The following HACL1 variants were observed in gnomAD, a reference collection of about 807,000 sequenced individuals.
HACL1 encodes the protein 1600020H07Rik.
HACL1 carries 64 observed loss-of-function variants against 74.2 expected under a neutral mutation model. The observed-to-expected ratio is 0.86, with a 90% confidence interval of 0.70 to 1.06. HACL1 has a LOEUF of 1.06. Ranked by LOEUF, HACL1 falls within the 50% of genes least tolerant of loss-of-function variation. The pLI is 0.00. For synonymous variants in HACL1, 230 were observed against 238.8 expected (o/e 0.96, Z 0.34); for missense variants, 728 against 719.7 (o/e 1.01, Z -0.13).
chr3:15,568,639 AC>A, intron 12 of HACL1, 53 bp from the exon 13 acceptor site: 2 of 995,672 alleles, frequency 2.0e-6, no homozygotes, highest in Non-Finnish European at 3.1e-6. Context: ...AATGAAAATA[AC>A]CAATGTTAAT....
intron 9 of HACL1, among the ~76,000 whole-genome samples, chr3:15,575,682 C>T (rs1471127071): frequency 6.6e-6 from 1 of 152,142 alleles, no homozygotes; most frequent in Non-Finnish European, 1.5e-5. Context: ...GTTGGGACTA[C>T]AGGCACGTGC....
chr3:15,600,468 G>C (rs1365221698), intron 2 of HACL1, among the ~76,000 whole-genome samples: 3 of 152,240 alleles, frequency 2.0e-5, no homozygotes, highest in Non-Finnish European at 4.4e-5. Context: ...ACAAAACGTC[G>C]TATCTTCCTT....
Position 15,579,847 on chromosome 3 carries a change from A to T in HACL1, c.803+63T>A, listed in dbSNP as rs1574925531. The stretch of plus-strand genomic sequence containing the variant: ...ACTCCATCCTAGATGAAGATCACAA[A>T]ATAATTTAAATTAGCCTAAAATCTA... On this transcript the variant is annotated intron_variant, in intron 9 of 16. Transcript: ENST00000321169. The T allele has an allele frequency of 7.5e-6, 9 of 1,195,876 alleles. No homozygotes were observed. The East Asian group carries it at 2.3e-4, about 30-fold the overall frequency. 74.1% of individuals were successfully genotyped at this position (1,195,876 alleles called of 1,614,324 possible). A position where few individuals can be genotyped will look rare whatever the true frequency, so the allele number is the denominator to read the frequency against.
At position 15,591,981 on chromosome 3, in the gene HACL1, AC is replaced by A. The variant is rs1163889620; in HGVS notation, c.228-302del. On this transcript the variant is annotated intron_variant, in intron 3 of 16. Coordinates refer to ENST00000321169, the MANE Select transcript of HACL1 (RefSeq NM_012260.4). ...ATATACATAGTGTATATATATACAC[AC>A]TATATACCTATAGTATATACTATAT... Among the ~76,000 whole-genome samples, 4 of 149,586 alleles carry A rather than the reference AC, an allele frequency of 2.7e-5. No individual in the cohort carries two copies. In the South Asian group the frequency reaches 8.3e-4, roughly 31 times the overall value.
chr3:15,598,493 C>CGT (rs1250296046), intron 2 of HACL1, among the ~76,000 whole-genome samples: 1 of 152,190 alleles, frequency 6.6e-6, no homozygotes, highest in African/African-American at 2.4e-5. Context: ...CTCTAAATCT[C>CGT]TGTTTCTTCA....
rs151003425 is a variant in HACL1, at chr3:15,568,559, T to C, written c.1123A>G (p.Met375Val). The C allele has an allele frequency of 4.8e-5, 75 of 1,565,298 alleles. No homozygotes were observed. Among genetic ancestry groups the C allele is most frequent in the African/African-American group, 8.2e-5 (6 of 73,592 alleles). Residue 375 changes from methionine to valine, a missense_variant, in exon 13 of 17, where the codon ATG (methionine) becomes GTG (valine). Transcript: ENST00000321169. ...KELASKKSLP[M>V]NYYTVFYHVQ... ...TGGTAGAATACTGTGTAATAATTCA[T>C]AGGCAGGGATTTTTTAGAAGCTAGT...
In HACL1 at chr3:15,601,276, G is replaced by C. The variant is rs984990979; in HGVS notation, c.82-82C>G. 5 of 1,569,864 alleles carry C rather than the reference G, an allele frequency of 3.2e-6. No homozygotes were observed. In the Admixed American group the frequency reaches 8.4e-5, roughly 26 times the overall value. On this transcript the variant is annotated intron_variant, in intron 1 of 16. Transcript: ENST00000321169. ...CTTCCCTCCCTCCCGGGCGCTAAAA[G>C]GAAAACCCCCCGACCCCCATCGCCC...
chr3:15,598,683 A>G (rs1472035115), intron 2 of HACL1, among the ~76,000 whole-genome samples: 3 of 152,240 alleles, frequency 2.0e-5, no homozygotes, highest in Non-Finnish European at 4.4e-5. Flanking sequence ...ATCTAATCAA[A>G]GACAATGAAG....
At chr3:15,592,410 AC>A (rs2063942774) in intron 3 of HACL1, among the ~76,000 whole-genome samples, 1 of 151,374 alleles carries the variant, frequency 6.6e-6, no homozygotes, top group African/African-American at 2.4e-5. Flanking sequence ...ATGTAGACAC[AC>A]GTATACACAC....
chr3:15,598,086 G>A (rs1054055242), intron 2 of HACL1, among the ~76,000 whole-genome samples: 2 of 151,124 alleles, frequency 1.3e-5, no homozygotes, highest in Non-Finnish European at 2.9e-5. Context: ...GTGCAATGAT[G>A]CAATATTGGC....
chr3:15,598,487 A>G (rs955388924), intron 2 of HACL1, among the ~76,000 whole-genome samples: 10 of 152,172 alleles, frequency 6.6e-5, no homozygotes, highest in Non-Finnish European at 2.9e-5. Context: ...AAGTTGCTCT[A>G]AATCTCTGTT....
chr3:15,572,019 T>C (rs1264674860), intron 11 of HACL1, among the ~76,000 whole-genome samples: 2 of 151,756 alleles, frequency 1.3e-5, no homozygotes, highest in African/African-American at 4.8e-5. Flanking sequence ...TTTGTATTTT[T>C]AGTAGAGACG....
intron 2 of HACL1, among the ~76,000 whole-genome samples, chr3:15,599,413 T>G (rs975568003): frequency 6.6e-6 from 1 of 152,202 alleles, no homozygotes. Context: ...ATTACTGGCA[T>G]GTACAACCAT....
intron 9 of HACL1, among the ~76,000 whole-genome samples, chr3:15,577,834 C>T (rs540265776): frequency 1.3e-5 from 2 of 151,810 alleles, no homozygotes; most frequent in Non-Finnish European, 2.9e-5. Flanking sequence ...CGCAGTGGCT[C>T]ACACCTGTAA....
At chr3:15,574,956 A>T in intron 10 of HACL1, 21 bp downstream of exon 10, 1 of 1,079,236 alleles carries the variant, frequency 9.3e-7, no homozygotes, top group African/African-American at 1.5e-5. Context: ...TTCTGATTTT[A>T]AGTTCCTCCT....
chr3:15,591,839 C>T (rs1364672435), intron 3 of HACL1, among the ~76,000 whole-genome samples, 159 bp from the exon 4 acceptor site: 2 of 150,992 alleles, frequency 1.3e-5, no homozygotes, highest in Middle Eastern at 3.5e-3. Context: ...AATTAAAAAA[C>T]AAGGCGATAT....
At position 15,568,464 on chromosome 3, in the gene HACL1, C is replaced by G. The variant is rs776000265; in HGVS notation, c.1218G>C (p.Arg406=). 75 of 1,602,812 alleles carry G rather than the reference C, an allele frequency of 4.7e-5. No homozygotes were observed. Among genetic ancestry groups the G allele is most frequent in the Non-Finnish European group, 6.3e-5 (74 of 1,173,692 alleles). The part of the protein sequence containing the change: ...SEGANTMDIG[R]TVLQNYLPRH... Reference sequence around the variant, plus strand: ...GAGGAAGGTAGTTCTGAAGCACAGTCCGTCCAATGTCCATAGTATTTGCTC... The same window carrying G: ...GAGGAAGGTAGTTCTGAAGCACAGTGCGTCCAATGTCCATAGTATTTGCTC... The change falls in exon 13 of 17, where the codon CGG becomes CGC. Residue 406 remains arginine, a synonymous_variant. Transcript: ENST00000321169.
chr3:15,564,222 T>C (rs765702704), intron 15 of HACL1, among the ~76,000 whole-genome samples: 4 of 152,214 alleles, frequency 2.6e-5, no homozygotes, highest in Non-Finnish European at 5.9e-5. Context: ...ACATCCACAT[T>C]TCCAAATGGT....
intron 14 of HACL1, among the ~76,000 whole-genome samples, chr3:15,565,509 T>G (rs1263174646): frequency 6.6e-6 from 1 of 152,208 alleles, no homozygotes; most frequent in African/African-American, 2.4e-5. Flanking sequence ...TTTAACAGTG[T>G]GCTAAACAGT....
Sources: allele counts gnomAD v4.1 joint callset (sites outside exome capture counted in the v4.1 genomes callset), GRCh38; gene constraint gnomAD v4.1.1; transcripts MANE v1.5; gene names NCBI Gene and HGNC (gene_info 2026-07-23, HGNC 2026-07-21).